C4orf54: variants seen among roughly 807,000 people sequenced by gnomAD.
C4orf54 encodes chromosome 4 open reading frame 54.
A neutral mutation model predicts 80.1 loss-of-function variants in C4orf54; 67 were observed. That is an observed-to-expected ratio of 0.84 (90% CI 0.69 to 1.03). The LOEUF is 1.03. Ranked by LOEUF, C4orf54 falls within the 50% of genes least tolerant of loss-of-function variation. The probability of loss-of-function intolerance (pLI) is 0.00; values close to 1 mark genes in which losing one functional copy is unlikely to be tolerated. For synonymous variants in C4orf54, 1,000 were observed against 917.0 expected (o/e 1.09, Z -1.64); for missense variants, 2,434 against 2,253.5 (o/e 1.08, Z -1.62).
chr4:99,653,870 G>T lies in C4orf54; in HGVS notation c.779C>A (p.Ser260Tyr). Residue 260 changes from serine (S) to tyrosine (Y), a missense_variant, in exon 2 of 3, where the codon TCT (serine) becomes TAT (tyrosine). Coordinates refer to ENST00000511828, the MANE Select transcript of C4orf54 (RefSeq NM_001354435.2). The part of the protein sequence containing the change: ...SQLSRSQHSA[S>Y]EEGGNFSSSS... The stretch of plus-strand genomic sequence containing the variant: ...AGATGAGAAATTGCCACCCTCTTCA[G>T]AGGCAGAGTGCTGGGATCTAGAGAG... The T allele has an allele frequency of 6.5e-7, 1 of 1,536,300 alleles. No individual in the cohort carries two copies. Among genetic ancestry groups the T allele is most frequent in the Admixed American group, 2.0e-5 (1 of 51,006 alleles).
chr4:99,647,273 C>A (rs1183967627), intron 2 of C4orf54, among the ~76,000 whole-genome samples: 3 of 152,162 alleles, frequency 2.0e-5, no homozygotes, highest in Non-Finnish European at 2.9e-5. Flanking sequence ...CTTCTCTCTT[C>A]CCTGTCCTCC....
Position 99,652,383 on chromosome 4 carries a change from C to T in C4orf54, c.2266G>A (p.Val756Ile). Residue 756 changes from valine (V) to isoleucine (I), a missense_variant, in exon 2 of 3, where the codon GTA becomes ATA. Physicochemically the swap from Val to Ile is conservative, Grantham distance 29 (BLOSUM62 3). Coordinates refer to ENST00000511828, the MANE Select transcript of C4orf54 (RefSeq NM_001354435.2). Reference protein sequence around the residue: ...RVVTLLEPLNVRSESKASSAP... With the variant: ...RVVTLLEPLNIRSESKASSAP... ...GAGCTGGCTTTGCTCTCACTGCGTACATTCAGGGGCTCCAAAAGGGTGACG... is the reference window on the plus strand; with the variant it reads ...GAGCTGGCTTTGCTCTCACTGCGTATATTCAGGGGCTCCAAAAGGGTGACG... 3 of 1,536,112 alleles carry T rather than the reference C, an allele frequency of 2.0e-6. No individual in the cohort carries two copies. Among genetic ancestry groups the T allele is most frequent in the Non-Finnish European group, 1.7e-6 (2 of 1,146,888 alleles).
chr4:99,641,940 C>T (rs990495626), intron 2 of C4orf54, among the ~76,000 whole-genome samples: 1 of 151,982 alleles, frequency 6.6e-6, no homozygotes, highest in Non-Finnish European at 1.5e-5. Context: ...GAAAAATAAC[C>T]TCCAAGAAGT....
rs544262147 is a variant in C4orf54 at position 99,656,505 on chromosome 4, T to C, written c.-32+990A>G. On this transcript the variant is annotated intron_variant, in intron 1 of 2. Coordinates refer to ENST00000511828, the MANE Select transcript of C4orf54 (RefSeq NM_001354435.2). Reference sequence around the variant, plus strand: ...ATATTGGCAGGCTGGTCTCGAACTTTTGACCTCAGGTGATCCACTCGTCTC... The same window carrying C: ...ATATTGGCAGGCTGGTCTCGAACTTCTGACCTCAGGTGATCCACTCGTCTC... Among the ~76,000 whole-genome samples, 3 of 152,236 alleles carry C rather than the reference T, an allele frequency of 2.0e-5. No homozygotes were observed. The South Asian group carries it at 6.2e-4, about 32-fold the overall frequency.
intron 2 of C4orf54, among the ~76,000 whole-genome samples, chr4:99,643,774 ACACACACACACACACACAC>A (rs1457258334): frequency 1.4e-5 from 2 of 141,650 alleles, no homozygotes; most frequent in African/African-American, 5.3e-5. Context: ...ACACACACAC[ACACACACACACACACACAC>A]CCCCTCCGCG....
In C4orf54 at chr4:99,654,351, A is replaced by G. The variant is rs1726941767; in HGVS notation, c.298T>C (p.Leu100=). The change falls in exon 2 of 3, where the codon TTG becomes CTG. Residue 100 remains leucine, a synonymous_variant. Transcript: ENST00000511828. ...VAAVAAVPTA[L]GPVQIRGTLL... ...GTCCCACGTATCTGGACTGGCCCCA[A>G]GGCTGTAGGCACTGCTGCCACTGCT... 1 of 1,261,574 alleles carries G rather than the reference A, an allele frequency of 7.9e-7. No individual in the cohort carries two copies. The highest frequency in any genetic ancestry group is 1.1e-6 in the Non-Finnish European group (1 of 896,806). 78.1% of individuals were successfully genotyped at this position (1,261,574 alleles called of 1,614,324 possible).
In C4orf54 at chr4:99,653,102, G is replaced by A. The variant is rs565808676; in HGVS notation, c.1547C>T (p.Ala516Val). Reference protein sequence around the residue: ...AAAASSCGSAASQILLSIKPA... With the variant: ...AAAASSCGSAVSQILLSIKPA... ...TTTGATTGATAGGAGGATCTGGCTT[G>A]CTGCACTCCCACAGCTGCTTGCGGC... Residue 516 changes from alanine to valine, a missense_variant, in exon 2 of 3, where the codon GCA (alanine) becomes GTA (valine). Transcript: ENST00000511828. The A allele has an allele frequency of 4.6e-6, 7 of 1,536,266 alleles. No homozygotes were observed. In the East Asian group the frequency reaches 1.7e-4, roughly 38 times the overall value.
At position 99,639,106 on chromosome 4, in the gene C4orf54, C is replaced by T. The variant is rs536880378; in HGVS notation, c.*2127G>A. On this transcript the variant is annotated 3_prime_UTR_variant, in exon 3 of 3. Transcript: ENST00000511828. Reference sequence around the variant, plus strand: ...CCACATTTTCTAGAGAAGGAGTTGTCTCTCTTTTGGAAGAGTTGGTGAGCA... The same window carrying T: ...CCACATTTTCTAGAGAAGGAGTTGTTTCTCTTTTGGAAGAGTTGGTGAGCA... 9.9e-5 allele frequency: 15 copies of T among 152,262 alleles called. No homozygotes were observed. Among genetic ancestry groups the T allele is most frequent in the African/African-American group, 3.6e-4 (15 of 41,558 alleles). 9.4% of individuals were successfully genotyped at this position (152,262 alleles called of 1,614,324 possible). A position where few individuals can be genotyped will look rare whatever the true frequency, so the allele number is the denominator to read the frequency against.
At chr4:99,645,235 A>G (rs1322857207) in intron 2 of C4orf54, among the ~76,000 whole-genome samples, 1 of 151,986 alleles carries the variant, frequency 6.6e-6, no homozygotes, top group East Asian at 1.9e-4. Flanking sequence ...GACTCATTAG[A>G]ATAATAAAAC....
At position 99,651,479 on chromosome 4, in the gene C4orf54, C is replaced by T; in HGVS notation, c.3170G>A (p.Ser1057Asn). ...KLLTPKLAGGSASNLFKTIED... is the reference protein window; with the variant it reads ...KLLTPKLAGGNASNLFKTIED... Reference sequence around the variant, plus strand: ...GATGGTCTTGAACAGGTTAGAGGCGCTGCCACCGGCCAGCTTGGGCGTGAG... The same window carrying T: ...GATGGTCTTGAACAGGTTAGAGGCGTTGCCACCGGCCAGCTTGGGCGTGAG... The change falls in exon 2 of 3, where the codon AGC (serine) becomes AAC (asparagine). Residue 1057 changes from serine to asparagine, a missense_variant. Coordinates refer to ENST00000511828, the MANE Select transcript of C4orf54 (RefSeq NM_001354435.2). 1 of 1,536,254 alleles carries T rather than the reference C, an allele frequency of 6.5e-7. No individual in the cohort carries two copies. Among genetic ancestry groups the T allele is most frequent in the Non-Finnish European group, 8.7e-7 (1 of 1,146,910 alleles).
At chr4:99,645,903 A>G (rs1327224919) in intron 2 of C4orf54, among the ~76,000 whole-genome samples, 2 of 152,174 alleles carry the variant, frequency 1.3e-5, no homozygotes, top group Admixed American at 6.5e-5. Flanking sequence ...ATGTGAGATG[A>G]GAGTACTGAA....
Position 99,652,976 on chromosome 4 carries a change from G to A in C4orf54, c.1673C>T (p.Thr558Ile). The A allele has an allele frequency of 6.5e-7, 1 of 1,536,182 alleles. No individual in the cohort carries two copies. Among genetic ancestry groups the A allele is most frequent in the Non-Finnish European group, 8.7e-7 (1 of 1,146,920 alleles). Reference sequence around the variant, plus strand: ...CGAACTTGAATTGTGTTCAGCAGCTGTAGAGACGCGGAGGCTCATGTCGCC... The same window carrying A: ...CGAACTTGAATTGTGTTCAGCAGCTATAGAGACGCGGAGGCTCATGTCGCC... ...HEGDMSLRVS[T>I]AAEHNSSSLK... The change falls in exon 2 of 3, where the codon ACA (threonine) becomes ATA (isoleucine). Residue 558 changes from threonine (T) to isoleucine (I), a missense_variant. By Grantham distance (89) the Thr-to-Ile change is moderately conservative. Transcript: ENST00000511828.
Position 99,650,081 on chromosome 4 carries a change from T to TG in C4orf54, c.4567dup (p.Gln1523ProfsTer3). 6.5e-7 allele frequency: 1 copy of TG among 1,535,732 alleles called. No individual in the cohort carries two copies. The highest frequency in any genetic ancestry group is 8.7e-7 in the Non-Finnish European group (1 of 1,146,816). ...AGCTGGTCGGCTGGTTCCACTAACC[T>TG]GAGAGCCTTTGGAGCTACTGGGGAC... On this transcript the variant is annotated frameshift_variant, in exon 2 of 3. Transcript: ENST00000511828. LOFTEE classifies it high-confidence loss of function.
At position 99,657,727 on chromosome 4, in the gene C4orf54, A is replaced by G. The variant is rs1276800297; in HGVS notation, c.-264T>C. The stretch of plus-strand genomic sequence containing the variant: ...AAACGATAAAGGCTAAAGTAAAACA[A>G]TTAAGAACCCCAAACTGCTTTCCCT... On this transcript the variant is annotated 5_prime_UTR_variant, in exon 1 of 3. Transcript: ENST00000511828. 6.6e-6 allele frequency among the ~76,000 whole-genome samples: 1 copy of G among 152,260 alleles called. No homozygotes were observed. Among genetic ancestry groups the G allele is most frequent in the East Asian group, 1.9e-4 (1 of 5,204 alleles).
intron 2 of C4orf54, among the ~76,000 whole-genome samples, chr4:99,642,674 A>G (rs951686134): frequency 2.0e-5 from 3 of 152,246 alleles, no homozygotes; most frequent in African/African-American, 7.2e-5. Context: ...GAGGCCTCAC[A>G]AATATTTACT....
At chr4:99,646,304 G>T (rs151007092) in intron 2 of C4orf54, among the ~76,000 whole-genome samples, 124 of 152,292 alleles carry the variant, frequency 8.1e-4, no homozygotes, top group African/African-American at 2.7e-3. Flanking sequence ...TGGGTTTACG[G>T]CCCCAACAGG....
Position 99,650,019 on chromosome 4 carries a change from C to A in C4orf54, c.4630G>T (p.Ala1544Ser), listed in dbSNP as rs966612897. The A allele has an allele frequency of 2.0e-6, 3 of 1,534,550 alleles. No individual in the cohort carries two copies. The highest frequency in any genetic ancestry group is 2.7e-5 in the African/African-American group (2 of 72,888). ...GGGCTCTGTGGCCCTGGGGGGGCAG[C>A]TACTGTCTCCCGGGGGTTGTCAGGT... ...TKPDNPRETV[A>S]APPGPQSPEH... Residue 1544 changes from alanine to serine, a missense_variant, in exon 2 of 3, where the codon GCT (alanine) becomes TCT (serine). By Grantham distance (99) the Ala-to-Ser change is moderately conservative. Transcript: ENST00000511828.
intron 2 of C4orf54, among the ~76,000 whole-genome samples, chr4:99,643,792 A>ACACACACACCCCC (rs61130907): frequency 2.2e-4 from 22 of 98,894 alleles, no homozygotes; most frequent in Admixed American, 4.6e-4. Flanking sequence ...ACACACACAC[A>ACACACACACCCCC]CCCCCTCCGC....
intron 2 of C4orf54, among the ~76,000 whole-genome samples, chr4:99,644,587 G>A (rs1321190397): frequency 6.6e-6 from 1 of 152,104 alleles, no homozygotes; most frequent in Non-Finnish European, 1.5e-5. Context: ...GTTATAGCCT[G>A]CAGATTAGCT....
Sources: gnomAD v4.1 joint callset for allele counts (sites outside exome capture counted in the v4.1 genomes callset) on GRCh38, gnomAD v4.1.1 for gene constraint, MANE v1.5 for transcripts, NCBI Gene and HGNC (gene_info 2026-07-23, HGNC 2026-07-21) for gene names.